PTPRD: variants seen among roughly 807,000 people sequenced by gnomAD.
The protein encoded by PTPRD is receptor-type tyrosine-protein phosphatase delta.
PTPRD carries 34 observed loss-of-function variants against 214.5 expected under a neutral mutation model. The ratio of observed to expected loss-of-function variants is 0.16; its 90% confidence interval spans 0.12 to 0.21. PTPRD has a LOEUF of 0.21. PTPRD is among the 10% of genes least tolerant of loss of function. PTPRD has a pLI of 1.00. For synonymous variants in PTPRD, 1,128 were observed against 845.7 expected (o/e 1.33, Z -5.79); for missense variants, 2,545 against 2,398.7 (o/e 1.06, Z -1.27).
intron 21 of PTPRD, among the ~76,000 whole-genome samples, chr9:8,517,341 G>T (rs1309992327): frequency 6.6e-6 from 1 of 151,992 alleles, no homozygotes; most frequent in African/African-American, 2.4e-5. Context: ...ATCCACTGAG[G>T]CCATACAGAG....
intron 22 of PTPRD, among the ~76,000 whole-genome samples, chr9:8,506,882 C>T (rs2097552256): frequency 2.6e-5 from 4 of 152,162 alleles, no homozygotes; most frequent in Admixed American, 1.3e-4. Flanking sequence ...TGGAAAAATT[C>T]ATCTAGCCAA....
At chr9:9,524,743 G>C (rs988416759) in intron 8 of PTPRD, among the ~76,000 whole-genome samples, 1 of 152,052 alleles carries the variant, frequency 6.6e-6, no homozygotes, top group Non-Finnish European at 1.5e-5. Context: ...AATGCTTTTC[G>C]ATTTTACATT....
chr9:9,549,570 G>C (rs933817966), intron 8 of PTPRD, among the ~76,000 whole-genome samples: 1 of 152,054 alleles, frequency 6.6e-6, no homozygotes, highest in Non-Finnish European at 1.5e-5. Context: ...CTATGGTCCA[G>C]CAATTCCATG....
intron 2 of PTPRD, among the ~76,000 whole-genome samples, chr9:10,572,963 G>A (rs1165038069): frequency 1.3e-5 from 2 of 151,974 alleles, no homozygotes; most frequent in Non-Finnish European, 2.9e-5. Flanking sequence ...TTAACAGGAT[G>A]CATCCATTCC....
intron 2 of PTPRD, among the ~76,000 whole-genome samples, chr9:10,596,619 A>G (rs1196054761): frequency 6.6e-6 from 1 of 151,690 alleles, no homozygotes; most frequent in African/African-American, 2.4e-5. Flanking sequence ...GCAGGGAATT[A>G]AATAAGTTAA....
chr9:9,510,150 G>T (rs1276282369), intron 8 of PTPRD, among the ~76,000 whole-genome samples: 1 of 151,658 alleles, frequency 6.6e-6, no homozygotes, highest in East Asian at 1.9e-4. Context: ...CATATGGGTG[G>T]AGTAGCTTTC....
intron 2 of PTPRD, among the ~76,000 whole-genome samples, chr9:10,497,481 T>C (rs1173522863): frequency 6.6e-6 from 1 of 151,998 alleles, no homozygotes; most frequent in East Asian, 1.9e-4. Context: ...TAATGAATGA[T>C]TGCAGGAGGT....
chr9:8,790,683 T>C (rs1047744276), intron 11 of PTPRD, among the ~76,000 whole-genome samples: 1 of 152,136 alleles, frequency 6.6e-6, no homozygotes, highest in Non-Finnish European at 1.5e-5. Flanking sequence ...AGAAAACATT[T>C]TTTAGTGTGG....
In PTPRD at chr9:8,316,662, T is replaced by C. The variant is rs1272972023; in HGVS notation, c.*1212A>G. 1 of 230,770 alleles carries C rather than the reference T, an allele frequency of 4.3e-6. No individual in the cohort carries two copies. Among genetic ancestry groups the C allele is most frequent in the East Asian group, 6.2e-5 (1 of 16,256 alleles). The allele number at this position is 230,770 out of a possible 1,614,324, so 14.3% of individuals were successfully genotyped here. On this transcript the variant is annotated 3_prime_UTR_variant, in exon 46 of 46. Transcript: ENST00000381196. ...ACTAGAGTGTTAGAAATATTGAACT[T>C]TGTTGGAAGCCTGACTAACAAACAA...
At chr9:9,178,831 T>C (rs1384013322) in intron 10 of PTPRD, among the ~76,000 whole-genome samples, 1 of 152,116 alleles carries the variant, frequency 6.6e-6, no homozygotes, top group Non-Finnish European at 1.5e-5. Context: ...TCTGGGAACA[T>C]CCTGCTGAGC....
chr9:9,059,859 C>T (rs1159569936), intron 10 of PTPRD, among the ~76,000 whole-genome samples: 1 of 151,742 alleles, frequency 6.6e-6, no homozygotes, highest in African/African-American at 2.4e-5. Context: ...ATGTATAGGA[C>T]CCCTACAAAT....
At chr9:8,322,888 A>G (rs975412894) in intron 44 of PTPRD, among the ~76,000 whole-genome samples, 1 of 152,200 alleles carries the variant, frequency 6.6e-6, no homozygotes, top group Non-Finnish European at 1.5e-5. Flanking sequence ...AGCTGGTGAC[A>G]TTAAGCTGAA....
chr9:8,368,007 T>C lies in PTPRD; in HGVS notation c.4661+7929A>G, dbSNP rs535929096. ...TAAATAGTACAGCTAAGATTTGAACTCTGTTTGTTAGAACAATTTCAATTG... is the reference window on the plus strand; with the variant it reads ...TAAATAGTACAGCTAAGATTTGAACCCTGTTTGTTAGAACAATTTCAATTG... On this transcript the variant is annotated intron_variant, in intron 39 of 45. Transcript: ENST00000381196. Among the ~76,000 whole-genome samples, 141 of 152,324 alleles carry C rather than the reference T, an allele frequency of 9.3e-4. 1 individual carries two copies. Among genetic ancestry groups the C allele is most frequent in the Non-Finnish European group, 1.5e-3 (100 of 68,026 alleles).
chr9:9,463,216 A>G (rs572075219), intron 8 of PTPRD, among the ~76,000 whole-genome samples: 37 of 152,160 alleles, frequency 2.4e-4, no homozygotes, highest in Non-Finnish European at 3.8e-4. Flanking sequence ...TCCTTTGGAA[A>G]TTTGCTTTAA....
intron 5 of PTPRD, among the ~76,000 whole-genome samples, chr9:9,893,378 A>G (rs1286381299): frequency 6.6e-6 from 1 of 152,104 alleles, no homozygotes; most frequent in Non-Finnish European, 1.5e-5. Context: ...TGTCTTCAAG[A>G]GACTCATCTC....
At chr9:9,899,410 C>T (rs182380006) in intron 5 of PTPRD, among the ~76,000 whole-genome samples, 1 of 152,164 alleles carries the variant, frequency 6.6e-6, no homozygotes, top group East Asian at 1.9e-4. Context: ...ATCGATATTT[C>T]TGTAAGGAAG....
intron 7 of PTPRD, among the ~76,000 whole-genome samples, chr9:9,668,376 C>T (rs1451216634): frequency 6.6e-6 from 1 of 152,134 alleles, no homozygotes; most frequent in Non-Finnish European, 1.5e-5. Flanking sequence ...TTTTTGCTAA[C>T]TGCAGTCTTC....
Position 8,492,851 on chromosome 9 carries a change from G to T in PTPRD, c.2467+11C>A. 4 of 1,601,088 alleles carry T rather than the reference G, an allele frequency of 2.5e-6. No homozygotes were observed. The highest frequency in any genetic ancestry group is 2.2e-5 in the South Asian group (2 of 90,752). On this transcript the variant is annotated intron_variant, in intron 27 of 45. Transcript: ENST00000381196. ...ACTGTTCAAGGCACATACATGCACA[G>T]ACATGATTACCTGCCCCAGTGGTGG...
intron 11 of PTPRD, among the ~76,000 whole-genome samples, chr9:8,807,556 G>T (rs941461235): frequency 6.6e-6 from 1 of 150,798 alleles, no homozygotes; most frequent in African/African-American, 2.4e-5. Context: ...AGTTTTCTGT[G>T]TGGGTAATTT....
Sources: allele counts gnomAD v4.1 joint callset (sites outside exome capture counted in the v4.1 genomes callset), GRCh38; gene constraint gnomAD v4.1.1; transcripts MANE v1.5; gene names NCBI Gene and HGNC (gene_info 2026-07-23, HGNC 2026-07-21).